UQCR11: variants seen among roughly 807,000 people sequenced by gnomAD.
The protein encoded by UQCR11 is cytochrome b-c1 complex subunit 10.
A neutral mutation model predicts 7.6 loss-of-function variants in UQCR11; 10 were observed. The ratio of observed to expected loss-of-function variants is 1.31; its 90% CI spans 0.81 to 2.22. The LOEUF is 2.22. Among genes scored for constraint, UQCR11 ranks in the 30% most tolerant of loss-of-function variants. The pLI is 0.00. For missense variants in UQCR11, 86 were observed against 75.1 expected, an observed-to-expected ratio of 1.15 and a Z score of -0.54; for synonymous variants, 34 against 34.9, an observed-to-expected ratio of 0.97 and a Z score of 0.09.
rs567358878 is a variant in UQCR11, at chr19:1,603,682, T to G, written c.50+1678A>C. ...AGCACGGATGACGGGTGGTCCCCGC[T>G]GTGACTGAACACAGAAGAAGCAGAC... On this transcript the variant is annotated intron_variant, in intron 1 of 2. Transcript: ENST00000591899. Among the ~76,000 whole-genome samples the G allele has an allele frequency of 3.3e-5, 5 of 152,286 alleles. No individual in the cohort carries two copies. The South Asian group carries it at 1.0e-3, about 32-fold the overall frequency.
rs773832977 is a variant in UQCR11, at chr19:1,599,465, T to C, written c.146A>G (p.Asn49Ser). ...TTAATTATCCTTCTTAAACTTGCCA[T>C]TGATGTAAGGTACCCAGTCCAGGAT... is the stretch of plus-strand genomic sequence containing the variant. ...RLILDWVPYINGKFKKDN is the reference protein window; with the variant it reads ...RLILDWVPYISGKFKKDN The change falls in exon 2 of 3, where the codon AAT becomes AGT. Residue 49 changes from asparagine to serine, a missense_variant. Physicochemically the swap from Asn to Ser is conservative, Grantham distance 46. Coordinates refer to ENST00000591899, the MANE Select transcript of UQCR11 (RefSeq NM_006830.4). 3 of 1,613,888 alleles carry C rather than the reference T, an allele frequency of 1.9e-6. No individual in the cohort carries two copies. Among genetic ancestry groups the C allele is most frequent in the Non-Finnish European group, 1.7e-6 (2 of 1,180,002 alleles).
At position 1,605,291 on chromosome 19, in the gene UQCR11, A is replaced by G. The variant is rs1003465781; in HGVS notation, c.50+69T>C. On this transcript the variant is annotated intron_variant, in intron 1 of 2. Transcript: ENST00000591899. ...CCGGCCCCCGGAAACGCGCACAAAT[A>G]CGGAACGCAGCGGCGCGGGGCTGGG... 10 of 1,485,176 alleles carry G rather than the reference A, an allele frequency of 6.7e-6. 1 individual carries two copies. In the African/African-American group the frequency reaches 8.9e-5, roughly 13 times the overall value. 92.0% of individuals were successfully genotyped at this position (1,485,176 alleles called of 1,614,324 possible).
intron 1 of UQCR11, among the ~76,000 whole-genome samples, chr19:1,600,556 G>A (rs1451443948): frequency 6.6e-6 from 1 of 152,184 alleles, no homozygotes; most frequent in Non-Finnish European, 1.5e-5. Flanking sequence ...GAGCAATGGG[G>A]CATCACTGCC....
intron 1 of UQCR11, among the ~76,000 whole-genome samples, chr19:1,600,084 T>TGGGCCCAGCAGATTCTAGGA (rs2060742880): frequency 6.6e-6 from 1 of 151,414 alleles, no homozygotes. Context: ...CTGAGTTGCC[T>TGGGCCCAGCAGATTCTAGGA]GGGCCCAGCA....
rs115409724 is a variant in UQCR11 at position 1,600,560 on chromosome 19, C to A, written c.51-1000G>T. On this transcript the variant is annotated intron_variant, in intron 1 of 2. Coordinates refer to ENST00000591899, the MANE Select transcript of UQCR11 (RefSeq NM_006830.4). ...GAACGCAGCATGAGCAATGGGGCAT[C>A]ACTGCCGAGGTCAAGTGACAAAAGA... Among the ~76,000 whole-genome samples the A allele has an allele frequency of 8.2e-3, 1,243 of 152,288 alleles. 20 individuals are homozygous for A. The highest frequency in any genetic ancestry group is 0.028 in the African/African-American group (1,178 of 41,564).
chr19:1,598,977 G>A (rs1201684290), intron 2 of UQCR11: 2 of 175,810 alleles, frequency 1.1e-5, no homozygotes, highest in African/African-American at 4.8e-5. Context: ...GTGGTTAAGG[G>A]GGCAGCTGGC....
At chr19:1,603,284 G>A (rs894977853) in intron 1 of UQCR11, among the ~76,000 whole-genome samples, 5 of 152,132 alleles carry the variant, frequency 3.3e-5, no homozygotes, top group Admixed American at 1.3e-4. Context: ...GTCTATTGGC[G>A]CGTCCCTAAC....
At chr19:1,603,987 C>A (rs1397987360) in intron 1 of UQCR11, among the ~76,000 whole-genome samples, 1 of 152,216 alleles carries the variant, frequency 6.6e-6, no homozygotes, top group African/African-American at 2.4e-5. Context: ...CTCTTGTTGC[C>A]CAGGCTGGAA....
chr19:1,599,302 A>G (rs2060740158), intron 2 of UQCR11, 110 bp downstream of exon 2: 3 of 1,432,362 alleles, frequency 2.1e-6, no homozygotes, highest in East Asian at 4.6e-5. Flanking sequence ...AGGTCTCTCC[A>G]GGGGGAGCAG....
At chr19:1,599,154 C>CA (rs1433579362) in intron 2 of UQCR11, 2 of 390,406 alleles carry the variant, frequency 5.1e-6, no homozygotes, top group Non-Finnish European at 9.5e-6. Flanking sequence ...AGGTTTGCCT[C>CA]AAAGACTCAC....
intron 1 of UQCR11, among the ~76,000 whole-genome samples, chr19:1,601,599 C>CAAAAAAAAA (rs56108793): frequency 1.6e-4 from 13 of 81,148 alleles, no homozygotes; most frequent in Admixed American, 2.8e-4. Context: ...GACACCGTCT[C>CAAAAAAAAA]AAAAAAAAAA....
At chr19:1,601,728 A>G (rs1053071406) in intron 1 of UQCR11, among the ~76,000 whole-genome samples, 1 of 152,080 alleles carries the variant, frequency 6.6e-6, no homozygotes, top group Non-Finnish European at 1.5e-5. Context: ...TGAGGAGTTG[A>G]CTCAGTGCAC....
rs548627586 is a variant in UQCR11 at position 1,601,361 on chromosome 19, G to A, written c.51-1801C>T. On this transcript the variant is annotated intron_variant, in intron 1 of 2. Coordinates refer to ENST00000591899, the MANE Select transcript of UQCR11 (RefSeq NM_006830.4). ...CTCACGCCTGTAATCCCAGCACTTT[G>A]GGAGGGTGAGGTGGGCGGATCATGA... is the stretch of plus-strand genomic sequence containing the variant. Among the ~76,000 whole-genome samples the A allele has an allele frequency of 2.0e-5, 3 of 152,264 alleles. No homozygotes were observed. The East Asian group carries it at 5.8e-4, about 29-fold the overall frequency.
intron 1 of UQCR11, among the ~76,000 whole-genome samples, chr19:1,600,283 G>C (rs370870725): frequency 4.1e-5 from 6 of 145,168 alleles, no homozygotes; most frequent in African/African-American, 1.5e-4. Flanking sequence ...GCGTGATCTC[G>C]GCTCACTGCA....
At chr19:1,599,183 G>A (rs1189732316) in intron 2 of UQCR11, 2 of 492,658 alleles carry the variant, frequency 4.1e-6, no homozygotes, top group East Asian at 4.0e-5. Context: ...TCCAGAGGGA[G>A]GGCGAGGCCC....
chr19:1,597,842 G>T lies in UQCR11; in HGVS notation c.*402C>A, dbSNP rs2060736030. 1 of 152,254 alleles carries T rather than the reference G, an allele frequency of 6.6e-6. No homozygotes were observed. The highest frequency in any genetic ancestry group is 1.5e-5 in the Non-Finnish European group (1 of 68,054). The allele number at this position is 152,254 out of a possible 1,614,324, so 9.4% of individuals were successfully genotyped here. A position where few individuals can be genotyped will look rare whatever the true frequency, so the allele number is the denominator to read the frequency against. Reference sequence around the variant, plus strand: ...TGTTCGTTGCTTTAAGCCACTACGTGTGGGTGACTTGTTAAGGCAGCAACG... The same window carrying T: ...TGTTCGTTGCTTTAAGCCACTACGTTTGGGTGACTTGTTAAGGCAGCAACG... On this transcript the variant is annotated 3_prime_UTR_variant, in exon 3 of 3. Coordinates refer to ENST00000591899, the MANE Select transcript of UQCR11 (RefSeq NM_006830.4).
At chr19:1,600,182 G>A (rs1042771644) in intron 1 of UQCR11, among the ~76,000 whole-genome samples, 15 of 151,302 alleles carry the variant, frequency 9.9e-5, no homozygotes, top group Non-Finnish European at 1.6e-4. Flanking sequence ...TTACGCCCTC[G>A]CACAGTATGA....
intron 2 of UQCR11, chr19:1,598,930 A>T (rs1325732126): frequency 6.1e-6 from 1 of 164,254 alleles, no homozygotes; most frequent in Non-Finnish European, 1.3e-5. Flanking sequence ...GCCACGTGGG[A>T]CTGTCATGTG....
intron 1 of UQCR11, among the ~76,000 whole-genome samples, chr19:1,600,539 G>A (rs1224226772): frequency 1.3e-5 from 2 of 152,104 alleles, no homozygotes; most frequent in Non-Finnish European, 2.9e-5. Context: ...TGAGTAGAAC[G>A]CAGCATGAGC....
Sources: gnomAD v4.1 joint callset for allele counts (sites outside exome capture counted in the v4.1 genomes callset) on GRCh38, gnomAD v4.1.1 for gene constraint, MANE v1.5 for transcripts, NCBI Gene and HGNC (gene_info 2026-07-23, HGNC 2026-07-21) for gene names.